NIBAN3: variants seen among roughly 807,000 people sequenced by gnomAD.
NIBAN3 encodes the protein niban apoptosis regulator 3.
Under a neutral mutation model 76.4 loss-of-function variants are expected in NIBAN3, and 66 were observed. The observed-to-expected ratio is 0.86, with a 90% CI of 0.71 to 1.06. The LOEUF (loss-of-function observed/expected upper bound fraction) is 1.06, where lower values mean the gene tolerates loss of function less well. Among genes scored for constraint, NIBAN3 ranks in the 50% least tolerant of loss-of-function variants. The probability of loss-of-function intolerance (pLI) is 0.00; values close to 1 mark genes in which losing one functional copy is unlikely to be tolerated. For synonymous variants in NIBAN3, 360 were observed against 355.2 expected (o/e 1.01, Z -0.15); for missense variants, 808 against 810.7 (o/e 1.00, Z 0.04).
At chr19:17,553,961 CCTGGGTTCAAGTGATTCTCCT>C (rs2076193594), downstream of NIBAN3, 2 of 160,972 alleles carry the variant, frequency 1.2e-5, no homozygotes, top group East Asian at 3.6e-4. Context: ...ACCTCCACCT[CCTGGGTTCAAGTGATTCTCCT>C]GCCTCGGCCT....
chr19:17,527,055 C>T (rs1344231289), upstream of NIBAN3, among the ~76,000 whole-genome samples: 1 of 152,158 alleles, frequency 6.6e-6, no homozygotes, highest in Non-Finnish European at 1.5e-5. Flanking sequence ...TGCCAGATGT[C>T]TGCCCTGCCA....
chr19:17,526,513 T>A (rs2075610289), upstream of NIBAN3, among the ~76,000 whole-genome samples: 4 of 151,836 alleles, frequency 2.6e-5, no homozygotes, highest in Admixed American at 2.6e-4. Flanking sequence ...GGCATGGTGG[T>A]GGCGTGTGCC....
Position 17,537,278 on chromosome 19 carries a change from G to A in NIBAN3, c.428-98G>A, listed in dbSNP as rs142233625. ...TATCGTGGTATGACTCATATTTATC[G>A]AGCAACTGCCCATGCCAGGGACTGC... On this transcript the variant is annotated intron_variant, in intron 4 of 14. Coordinates refer to ENST00000599164, the MANE Select transcript of NIBAN3 (RefSeq NM_001321827.2). 4.7e-3 allele frequency: 5,650 copies of A among 1,209,920 alleles called. 20 individuals carry two copies. The highest frequency in any genetic ancestry group is 5.9e-3 in the Non-Finnish European group (4,939 of 843,348). 74.9% of individuals were successfully genotyped at this position (1,209,920 alleles called of 1,614,324 possible). A position where few individuals can be genotyped will look rare whatever the true frequency, so the allele number is the denominator to read the frequency against.
chr19:17,527,376 G>A lies in NIBAN3; in HGVS notation c.36G>A (p.Gln12=), dbSNP rs990685600. 145 of 1,533,696 alleles carry A rather than the reference G, an allele frequency of 9.5e-5. No individual in the cohort carries two copies. Among genetic ancestry groups the A allele is most frequent in the Non-Finnish European group, 1.2e-4 (140 of 1,139,092 alleles). ...GGRPSSPLDK[Q]QRQHLRGQVD... is the part of the protein sequence containing the mutation. ...GGCCTTCGAGCCCTCTGGACAAGCA[G>A]CAGCGGCAGCACCTAAGGGGTGAGC... The change falls in exon 1 of 15, where the codon CAG becomes CAA. Residue 12 remains glutamine, a synonymous_variant. Transcript: ENST00000599164.
In NIBAN3 at chr19:17,539,739, G is replaced by C; in HGVS notation, c.953G>C (p.Arg318Pro). The C allele has an allele frequency of 6.5e-7, 1 of 1,539,522 alleles. No homozygotes were observed. The highest frequency in any genetic ancestry group is 8.7e-7 in the Non-Finnish European group (1 of 1,144,548). The stretch of plus-strand genomic sequence containing the variant: ...GACGTGGACCAGCTGCTGCGGCAGC[G>C]GGCGCGTGTGGCGGGGCGGCTGAGG... ...RPDVDQLLRQ[R>P]ARVAGRLRTD... The change falls in exon 8 of 15, where the codon CGG becomes CCG. Residue 318 changes from arginine to proline, a missense_variant. Transcript: ENST00000599164.
chr19:17,528,729 C>CTGG (rs2075656673), intron 1 of NIBAN3, among the ~76,000 whole-genome samples: 1 of 152,154 alleles, frequency 6.6e-6, no homozygotes, highest in Non-Finnish European at 1.5e-5. Context: ...CACCTTCCCT[C>CTGG]TGGTGGCTCT....
intron 2 of NIBAN3, among the ~76,000 whole-genome samples, chr19:17,531,987 A>G (rs1399548217): frequency 6.6e-6 from 1 of 152,178 alleles, no homozygotes; most frequent in Non-Finnish European, 1.5e-5. Context: ...TCAACCTGGG[A>G]TCCACGCTTA....
upstream of NIBAN3, among the ~76,000 whole-genome samples, chr19:17,524,318 C>A (rs2075585048): frequency 6.6e-6 from 1 of 151,906 alleles, no homozygotes; most frequent in South Asian, 2.1e-4. Flanking sequence ...CAGAGTCTCG[C>A]CCTGTTGCTC....
chr19:17,532,285 A>G lies in NIBAN3; in HGVS notation c.209A>G (p.His70Arg), dbSNP rs574064443. 1 of 1,613,112 alleles carries G rather than the reference A, an allele frequency of 6.2e-7. No individual in the cohort carries two copies. Among genetic ancestry groups the G allele is most frequent in the African/African-American group, 1.3e-5 (1 of 75,000 alleles). Residue 70 changes from histidine (H) to arginine (R), a missense_variant, in exon 3 of 15, where the codon CAC (histidine) becomes CGC (arginine). His to Arg is a conservative substitution (Grantham distance 29, BLOSUM62 0). Coordinates refer to ENST00000599164, the MANE Select transcript of NIBAN3 (RefSeq NM_001321827.2). ...CAGAAGCTGCCCCGAGTCCGTGAGC[A>G]CCGAGGACCCCTGACCCAGCTTCGG... ...RSKKLPRVRE[H>R]RGPLTQLRGH...
At chr19:17,543,482 G>GCTCA in intron 11 of NIBAN3, 42 bp from the exon 12 acceptor site, 1 of 1,611,322 alleles carries the variant, frequency 6.2e-7, no homozygotes, top group Non-Finnish European at 8.5e-7. Flanking sequence ...GGGCCTGGGT[G>GCTCA]CTCAGATGGT....
intron 10 of NIBAN3, 70 bp from the exon 11 acceptor site, chr19:17,543,247 G>C (rs1456724161): frequency 4.0e-6 from 4 of 1,005,680 alleles, no homozygotes; most frequent in Non-Finnish European, 5.9e-6. Flanking sequence ...GAAGGGGTCA[G>C]CTGGGCAGGA....
chr19:17,543,188 G>C, intron 10 of NIBAN3, 129 bp from the exon 11 acceptor site: 1 of 637,158 alleles, frequency 1.6e-6, no homozygotes, highest in South Asian at 2.0e-5. Context: ...CTGGGACAAG[G>C]AGGAGGAGGT....
In NIBAN3 at chr19:17,532,316, C is replaced by T. The variant is rs73504248; in HGVS notation, c.240C>T (p.His80=). 6,195 of 1,614,118 alleles carry T rather than the reference C, an allele frequency of 3.8e-3. 222 individuals are homozygous for T. The African/African-American group carries it at 0.074, about 19-fold the overall frequency. Residue 80 remains histidine (H), a synonymous_variant, in exon 3 of 15, where the codon CAC becomes CAT. Coordinates refer to ENST00000599164, the MANE Select transcript of NIBAN3 (RefSeq NM_001321827.2). Reference sequence around the variant, plus strand: ...GACCCCTGACCCAGCTTCGGGGCCACCCACCCCGGTGGCAGCCGATCTTCT... The same window carrying T: ...GACCCCTGACCCAGCTTCGGGGCCATCCACCCCGGTGGCAGCCGATCTTCT... The part of the protein sequence containing the change: ...HRGPLTQLRG[H]PPRWQPIFCV...
At position 17,539,226 on chromosome 19, in the gene NIBAN3, CT is replaced by C. The variant is rs767352918; in HGVS notation, c.675del (p.Phe225LeufsTer6). The C allele has an allele frequency of 6.2e-7, 1 of 1,608,754 alleles. No individual in the cohort carries two copies. Among genetic ancestry groups the C allele is most frequent in the South Asian group, 1.1e-5 (1 of 90,258 alleles). ...VRLYRQHQGH[F>X]GDDDVTLGSD... The stretch of plus-strand genomic sequence containing the variant: ...GACTCTACCGGCAGCACCAAGGCCA[CT>C]TTGGCGACGACGACGTGACCCTAGG... On this transcript the variant is annotated frameshift_variant, in exon 6 of 15. Coordinates refer to ENST00000599164, the MANE Select transcript of NIBAN3 (RefSeq NM_001321827.2). LOFTEE classifies it high-confidence loss of function.
At chr19:17,525,533 G>T (rs1318827285), upstream of NIBAN3, among the ~76,000 whole-genome samples, 1 of 152,206 alleles carries the variant, frequency 6.6e-6, no homozygotes, top group South Asian at 2.1e-4. Flanking sequence ...GGCTCTCCAA[G>T]GGGCTGGTAT....
At chr19:17,550,056 A>G (rs573915079) in intron 14 of NIBAN3, among the ~76,000 whole-genome samples, 80 of 151,944 alleles carry the variant, frequency 5.3e-4, no homozygotes, top group Non-Finnish European at 9.0e-4. Flanking sequence ...CTGACCTCAC[A>G]TGATCTGACT....
chr19:17,527,330 A>G lies in NIBAN3; in HGVS notation c.-11A>G. ...GGGAAGGGAAGAGGAGCCCCGGGAG[A>G]CGACAGCAGCATGGGTGGGCGGCCT... is the stretch of plus-strand genomic sequence containing the variant. On this transcript the variant is annotated 5_prime_UTR_variant, in exon 1 of 15. Transcript: ENST00000599164. 1 of 1,549,616 alleles carries G rather than the reference A, an allele frequency of 6.5e-7. No homozygotes were observed. The highest frequency in any genetic ancestry group is 8.7e-7 in the Non-Finnish European group (1 of 1,146,308).
In NIBAN3 at chr19:17,542,419, G is replaced by A; in HGVS notation, c.1329+125G>A. 1 of 1,065,066 alleles carries A rather than the reference G, an allele frequency of 9.4e-7. No homozygotes were observed. Among genetic ancestry groups the A allele is most frequent in the Admixed American group, 2.6e-5 (1 of 38,124 alleles). The allele number at this position is 1,065,066 out of a possible 1,614,324, so 66.0% of individuals were successfully genotyped here. On this transcript the variant is annotated intron_variant, in intron 10 of 14. Coordinates refer to ENST00000599164, the MANE Select transcript of NIBAN3 (RefSeq NM_001321827.2). The surrounding 1 kb of genome is among the most constrained non-coding windows in gnomAD (Gnocchi z 4.8). ...ACTCCGCGGGGCTGCCAGTCTCATG[G>A]GGACATGAGCCCGTGACCAGGCAGC...
At chr19:17,546,853 C>A in intron 13 of NIBAN3, 56 bp downstream of exon 13, 1 of 1,541,372 alleles carries the variant, frequency 6.5e-7, no homozygotes, top group East Asian at 2.4e-5. Flanking sequence ...GCTGTATGTA[C>A]CGAGCCCCAC....
Sources: gnomAD v4.1 joint callset for allele counts (sites outside exome capture counted in the v4.1 genomes callset) on GRCh38, gnomAD v4.1.1 for gene constraint, Gnocchi (gnomAD v3.1) non-coding constraint, MANE v1.5 for transcripts, NCBI Gene and HGNC (gene_info 2026-07-23, HGNC 2026-07-21) for gene names.